Variants in OR8D1 observed in about 807,000 individuals in gnomAD.
OR8D1 encodes the protein olfactory receptor 8D1.
For synonymous variants in OR8D1, 143 were observed against 147.0 expected (o/e 0.97, Z 0.20); for missense variants, 384 against 366.8 (o/e 1.05, Z -0.38).
rs1862376122 is a variant in OR8D1, at chr11:124,307,222, C to G, written c.*2618G>C. ...AGTGTACTTACAAGTTTGGGACTTT[C>G]CATGAGGAGAGAGGATTTTGACCTC... On this transcript the variant is annotated 3_prime_UTR_variant, in exon 3 of 3. Transcript: ENST00000641015. 3 of 133,794 alleles carry G rather than the reference C, an allele frequency of 2.2e-5. No homozygotes were observed. The allele number at this position is 133,794 out of a possible 1,614,324, so 8.3% of individuals were successfully genotyped here.
Position 124,310,751 on chromosome 11 carries a change from A to G in OR8D1, c.16T>C (p.Tyr6His). ...AAGACAAACTGAGCTGCCATAGAAT[A>G]ATTTTCCATGGTCATTCTTCTTTAG... MTMEN[Y>H]SMAAQFVLDG... The change falls in exon 3 of 3, where the codon TAT becomes CAT. Residue 6 changes from tyrosine to histidine, a missense_variant. By Grantham distance (83) the Tyr-to-His change is moderately conservative. Transcript: ENST00000641015. The G allele has an allele frequency of 6.2e-7, 1 of 1,609,990 alleles. No individual in the cohort carries two copies. The highest frequency in any genetic ancestry group is 8.5e-7 in the Non-Finnish European group (1 of 1,177,782).
Position 124,304,488 on chromosome 11 carries a change from ATAGACATTC to A in OR8D1, c.*5343_*5351del, listed in dbSNP as rs1862351190. 6.6e-6 allele frequency: 1 copy of A among 151,950 alleles called. No homozygotes were observed. The highest frequency in any genetic ancestry group is 2.4e-5 in the African/African-American group (1 of 41,432). The allele number at this position is 151,950 out of a possible 1,614,324, so 9.4% of individuals were successfully genotyped here. A position where few individuals can be genotyped will look rare whatever the true frequency, so the allele number is the denominator to read the frequency against. ...TTTTGCTATTATGAATAAAGATTTA[ATAGACATTC>A]TAGTATATTTTTATTTCTGCACTGT... On this transcript the variant is annotated 3_prime_UTR_variant, in exon 3 of 3. Transcript: ENST00000641015.
rs1009217054 is a variant in OR8D1 at position 124,310,456 on chromosome 11, A to G, written c.311T>C (p.Phe104Ser). The G allele has an allele frequency of 8.7e-6, 14 of 1,613,584 alleles. No homozygotes were observed. The highest frequency in any genetic ancestry group is 1.1e-5 in the Non-Finnish European group (13 of 1,179,882). ...ACCCTCAGCCACCACAAAGACCACA[A>G]AGAAAAAGAGCTGGACCATGCACTC... Reference protein sequence around the residue: ...YSECMVQLFFFVVFVVAEGYL... With the variant: ...YSECMVQLFFSVVFVVAEGYL... The change falls in exon 3 of 3, where the codon TTT becomes TCT. Residue 104 changes from phenylalanine (F) to serine (S), a missense_variant. Coordinates refer to ENST00000641015, the MANE Select transcript of OR8D1 (RefSeq NM_001002917.2).
At chr11:124,310,872 G>T in intron 2 of OR8D1, 90 bp from the exon 3 acceptor site, 3 of 743,660 alleles carry the variant, frequency 4.0e-6, no homozygotes, top group Admixed American at 2.8e-5. Context: ...GTTGACAGCA[G>T]CTAACAGACT....
At chr11:124,311,267 T>A (rs1028603081) in intron 2 of OR8D1, among the ~76,000 whole-genome samples, 3 of 151,892 alleles carry the variant, frequency 2.0e-5, no homozygotes, top group African/African-American at 7.3e-5. Context: ...GGGCATGGGG[T>A]TGGGTGTAAG....
In OR8D1 at chr11:124,309,760, G is replaced by T. The variant is rs4936917; in HGVS notation, c.*80C>A. On this transcript the variant is annotated 3_prime_UTR_variant, in exon 3 of 3. Coordinates refer to ENST00000641015, the MANE Select transcript of OR8D1 (RefSeq NM_001002917.2). Reference sequence around the variant, plus strand: ...AGATATTATGTATGTTACAACAGAAGAACATGAAAATAGAAAAAAGGAATA... The same window carrying T: ...AGATATTATGTATGTTACAACAGAATAACATGAAAATAGAAAAAAGGAATA... The T allele has an allele frequency of 0.37, 279,016 of 760,044 alleles. 53,842 individuals are homozygous for T. Among genetic ancestry groups the T allele is most frequent in the East Asian group, 0.42 (15,530 of 36,564 alleles). 47.1% of individuals were successfully genotyped at this position (760,044 alleles called of 1,614,324 possible).
rs1351380191 is a variant in OR8D1, at chr11:124,307,972, T to C, written c.*1868A>G. On this transcript the variant is annotated 3_prime_UTR_variant, in exon 3 of 3. Transcript: ENST00000641015. ...ATAAAAATAACGGGGGAAGAGGGTCTTAGCATAAAAATAATATTGCATCTA... is the reference window on the plus strand; with the variant it reads ...ATAAAAATAACGGGGGAAGAGGGTCCTAGCATAAAAATAATATTGCATCTA... The C allele has an allele frequency of 6.6e-6, 1 of 152,092 alleles. No homozygotes were observed. Among genetic ancestry groups the C allele is most frequent in the East Asian group, 1.9e-4 (1 of 5,190 alleles). 9.4% of individuals were successfully genotyped at this position (152,092 alleles called of 1,614,324 possible). A position where few individuals can be genotyped will look rare whatever the true frequency, so the allele number is the denominator to read the frequency against.
In OR8D1 at chr11:124,307,245, C is replaced by A. The variant is rs1321303275; in HGVS notation, c.*2595G>T. 6.6e-6 allele frequency: 1 copy of A among 151,972 alleles called. No individual in the cohort carries two copies. Among genetic ancestry groups the A allele is most frequent in the Non-Finnish European group, 1.5e-5 (1 of 67,966 alleles). 9.4% of individuals were successfully genotyped at this position (151,972 alleles called of 1,614,324 possible). A position where few individuals can be genotyped will look rare whatever the true frequency, so the allele number is the denominator to read the frequency against. On this transcript the variant is annotated 3_prime_UTR_variant, in exon 3 of 3. Transcript: ENST00000641015. Reference sequence around the variant, plus strand: ...TTCCATGAGGAGAGAGGATTTTGACCTCAGGAGCATGCAGTGACATTTATT... The same window carrying A: ...TTCCATGAGGAGAGAGGATTTTGACATCAGGAGCATGCAGTGACATTTATT...
At position 124,307,026 on chromosome 11, in the gene OR8D1, C is replaced by T. The variant is rs1313522158; in HGVS notation, c.*2814G>A. The T allele has an allele frequency of 6.6e-6, 1 of 152,026 alleles. No individual in the cohort carries two copies. Among genetic ancestry groups the T allele is most frequent in the African/African-American group, 2.4e-5 (1 of 41,402 alleles). 9.4% of individuals were successfully genotyped at this position (152,026 alleles called of 1,614,324 possible). A position where few individuals can be genotyped will look rare whatever the true frequency, so the allele number is the denominator to read the frequency against. ...GAAATTCTACCTCTACTAATAGAGA[C>T]CTACAGGGATCCAGCATTTTCTATG... is the stretch of plus-strand genomic sequence containing the variant. On this transcript the variant is annotated 3_prime_UTR_variant, in exon 3 of 3. Coordinates refer to ENST00000641015, the MANE Select transcript of OR8D1 (RefSeq NM_001002917.2).
Position 124,309,725 on chromosome 11 carries a change from T to G in OR8D1, c.*115A>C, listed in dbSNP as rs1862400405. The stretch of plus-strand genomic sequence containing the variant: ...AATCAATCATAGATGGGAAAGTATT[T>G]TTAAAATCTAGATATTATGTATGTT... On this transcript the variant is annotated 3_prime_UTR_variant, in exon 3 of 3. Transcript: ENST00000641015. 14 of 527,446 alleles carry G rather than the reference T, an allele frequency of 2.7e-5. No individual in the cohort carries two copies. In the South Asian group the frequency reaches 1.0e-3, roughly 38 times the overall value. The allele number at this position is 527,446 out of a possible 1,614,324, so 32.7% of individuals were successfully genotyped here.
rs566129736 is a variant in OR8D1 at position 124,311,577 on chromosome 11, G to A, written c.-22C>T. Reference sequence around the variant, plus strand: ...GCACACCCCACAGAACAGACCTTACGGTGGCAGGAAAAGGTGCTTCTGAAG... The same window carrying A: ...GCACACCCCACAGAACAGACCTTACAGTGGCAGGAAAAGGTGCTTCTGAAG... On this transcript the variant is annotated 5_prime_UTR_variant, in exon 2 of 3. Transcript: ENST00000641015. The A allele has an allele frequency of 7.9e-5, 12 of 152,160 alleles. No individual in the cohort carries two copies. Among genetic ancestry groups the A allele is most frequent in the African/African-American group, 2.4e-4 (10 of 41,418 alleles). 9.4% of individuals were successfully genotyped at this position (152,160 alleles called of 1,614,324 possible).
Position 124,306,036 on chromosome 11 carries a change from A to G in OR8D1, c.*3804T>C, listed in dbSNP as rs574231966. 6.6e-6 allele frequency: 1 copy of G among 152,038 alleles called. No individual in the cohort carries two copies. The highest frequency in any genetic ancestry group is 2.1e-4 in the South Asian group (1 of 4,826). The allele number at this position is 152,038 out of a possible 1,614,324, so 9.4% of individuals were successfully genotyped here. A position where few individuals can be genotyped will look rare whatever the true frequency, so the allele number is the denominator to read the frequency against. The stretch of plus-strand genomic sequence containing the variant: ...GGATATCTGAATCTTACTCAAACCT[A>G]TAACTTTGAAGAACATTTAACTCAA... On this transcript the variant is annotated 3_prime_UTR_variant, in exon 3 of 3. Coordinates refer to ENST00000641015, the MANE Select transcript of OR8D1 (RefSeq NM_001002917.2).
chr11:124,313,351 AAAAG>A lies in OR8D1; in HGVS notation c.-122+366_-122+369del, dbSNP rs1412033931. On this transcript the variant is annotated intron_variant, in intron 1 of 2. Transcript: ENST00000641015. ...AGGAAAGAAAGAAAAAGAGGAAAGA[AAAAG>A]AAAAAAAGAAAGAAATTTGTATGTG... 9.9e-5 allele frequency among the ~76,000 whole-genome samples: 15 copies of A among 152,072 alleles called. No homozygotes were observed. In the South Asian group the frequency reaches 1.0e-3, roughly 11 times the overall value.
At position 124,310,423 on chromosome 11, in the gene OR8D1, A is replaced by G. The variant is rs769819756; in HGVS notation, c.344T>C (p.Leu115Pro). 1 of 1,613,548 alleles carries G rather than the reference A, an allele frequency of 6.2e-7. No homozygotes were observed. The highest frequency in any genetic ancestry group is 1.1e-5 in the South Asian group (1 of 91,052). Residue 115 changes from leucine to proline, a missense_variant, in exon 3 of 3, where the codon CTG (leucine) becomes CCG (proline). Coordinates refer to ENST00000641015, the MANE Select transcript of OR8D1 (RefSeq NM_001002917.2). The part of the protein sequence containing the change: ...VVFVVAEGYL[L>P]TAMAYDRYVA... ...ATAGCGATCATATGCCATGGCAGTC[A>G]GGAGGTAACCCTCAGCCACCACAAA... is the stretch of plus-strand genomic sequence containing the variant.
Position 124,309,699 on chromosome 11 carries a change from G to A in OR8D1, c.*141C>T. 1 of 441,224 alleles carries A rather than the reference G, an allele frequency of 2.3e-6. No homozygotes were observed. Among genetic ancestry groups the A allele is most frequent in the Non-Finnish European group, 3.9e-6 (1 of 257,530 alleles). 27.3% of individuals were successfully genotyped at this position (441,224 alleles called of 1,614,324 possible). A position where few individuals can be genotyped will look rare whatever the true frequency, so the allele number is the denominator to read the frequency against. ...ATTCTTTTATTTTGTTGAGAAAGTT[G>A]AATCAATCATAGATGGGAAAGTATT... On this transcript the variant is annotated 3_prime_UTR_variant, in exon 3 of 3. Transcript: ENST00000641015.
Position 124,306,358 on chromosome 11 carries a change from A to G in OR8D1, c.*3482T>C, listed in dbSNP as rs1862368890. ...TGAATTTTTATTTTTAGTATGGTTG[A>G]CCAAGTTTAATAGCTACTATATATA... On this transcript the variant is annotated 3_prime_UTR_variant, in exon 3 of 3. Transcript: ENST00000641015. 1.3e-5 allele frequency: 2 copies of G among 148,838 alleles called. No individual in the cohort carries two copies. Among genetic ancestry groups the G allele is most frequent in the African/African-American group, 2.4e-5 (1 of 40,894 alleles). The allele number at this position is 148,838 out of a possible 1,614,324, so 9.2% of individuals were successfully genotyped here. A position where few individuals can be genotyped will look rare whatever the true frequency, so the allele number is the denominator to read the frequency against.
At position 124,310,112 on chromosome 11, in the gene OR8D1, CATAGG is replaced by C; in HGVS notation, c.650_654del (p.Ser217CysfsTer48). ...TGAAGGATGCTGTAGAGGATGAAGG[CATAGG>C]AGACAGCAACAGCTAGGGTGGGCAC... On this transcript the variant is annotated frameshift_variant, in exon 3 of 3. Transcript: ENST00000641015. LOFTEE classifies it low-confidence loss of function (END_TRUNC). 1 of 1,613,658 alleles carries C rather than the reference CATAGG, an allele frequency of 6.2e-7. No homozygotes were observed. Among genetic ancestry groups the C allele is most frequent in the Non-Finnish European group, 8.5e-7 (1 of 1,179,842 alleles).
rs550638893 is a variant in OR8D1, at chr11:124,308,969, A to T, written c.*871T>A. 6.6e-6 allele frequency: 1 copy of T among 152,268 alleles called. No homozygotes were observed. The highest frequency in any genetic ancestry group is 1.5e-5 in the Non-Finnish European group (1 of 68,022). 9.4% of individuals were successfully genotyped at this position (152,268 alleles called of 1,614,324 possible). ...AACCCAAGAAAAGCATTGTATACAG[A>T]GCTCTTGGTACCTACTTTTACTGTA... On this transcript the variant is annotated 3_prime_UTR_variant, in exon 3 of 3. Transcript: ENST00000641015.
chr11:124,310,270 A>G lies in OR8D1; in HGVS notation c.497T>C (p.Leu166Pro), dbSNP rs1565331345. 6.2e-7 allele frequency: 1 copy of G among 1,613,922 alleles called. No individual in the cohort carries two copies. The highest frequency in any genetic ancestry group is 8.5e-7 in the Non-Finnish European group (1 of 1,179,950). Residue 166 changes from leucine to proline, a missense_variant, in exon 3 of 3, where the codon CTG (leucine) becomes CCG (proline). By Grantham distance (98) the Leu-to-Pro change is moderately conservative. Transcript: ENST00000641015. ...GATAATGTGGGATTTGCAAAAGGAC[A>G]GTTTCATCATGGCACTTGTATGAGT... is the stretch of plus-strand genomic sequence containing the variant. Reference protein sequence around the residue: ...ALTHTSAMMKLSFCKSHIINH... With the variant: ...ALTHTSAMMKPSFCKSHIINH...
Sources: gnomAD v4.1 joint callset for allele counts (sites outside exome capture counted in the v4.1 genomes callset) on GRCh38, gnomAD v4.1.1 for gene constraint, MANE v1.5 for transcripts, NCBI Gene and HGNC (gene_info 2026-07-23, HGNC 2026-07-21) for gene names.